TMEM67: variants seen among roughly 807,000 people sequenced by gnomAD.
TMEM67 encodes transmembrane protein 67.
TMEM67 carries 124 observed loss-of-function variants against 136.6 expected under a neutral mutation model. The ratio of observed to expected loss-of-function variants is 0.91; its 90% confidence interval spans 0.78 to 1.05. TMEM67 has a LOEUF of 1.05. Among genes scored for constraint, TMEM67 ranks in the 50% least tolerant of loss-of-function variants. The pLI, the probability that TMEM67 is intolerant of heterozygous loss-of-function variation, is 0.00. For missense variants in TMEM67, 1,107 were observed against 1,178.4 expected (o/e 0.94, Z 0.89); for synonymous variants, 364 against 390.5 (o/e 0.93, Z 0.80).
the TMEM67 span, among the ~76,000 whole-genome samples, chr8:93,831,756 G>A: frequency 6.6e-6 from 1 of 152,150 alleles, no homozygotes; most frequent in African/African-American, 2.4e-5. Flanking sequence ...AGCTGAATGT[G>A]CAGAAGGCAT....
At chr8:93,764,416 T>C (rs1812988616) in intron 4 of TMEM67, among the ~76,000 whole-genome samples, 1 of 152,144 alleles carries the variant, frequency 6.6e-6, no homozygotes, top group South Asian at 2.1e-4. Flanking sequence ...AAAACATAAA[T>C]GTATGCTAAT....
chr8:93,831,681 T>C, the TMEM67 span, among the ~76,000 whole-genome samples: 1 of 150,526 alleles, frequency 6.6e-6, no homozygotes, highest in African/African-American at 2.4e-5. Flanking sequence ...CTTGTGTGTG[T>C]GTGCATGTGT....
At chr8:93,767,926 C>T (rs943679433) in intron 6 of TMEM67, among the ~76,000 whole-genome samples, 11 of 146,388 alleles carry the variant, frequency 7.5e-5, no homozygotes, top group African/African-American at 1.5e-4. Context: ...AGTGCAATGG[C>T]GCAATCTTAG....
At chr8:93,801,222 T>C (rs754437032) in intron 21 of TMEM67, among the ~76,000 whole-genome samples, 6 of 152,068 alleles carry the variant, frequency 3.9e-5, no homozygotes, top group Non-Finnish European at 7.4e-5. Flanking sequence ...TAAGAATCTT[T>C]TGAGATTTTT....
At chr8:93,819,164 T>G, downstream of TMEM67, 1 of 448,812 alleles carries the variant, frequency 2.2e-6, no homozygotes, top group Non-Finnish European at 4.4e-6. Context: ...GGAATTTTTA[T>G]TTTTAGTTTA....
chr8:93,790,170 G>A (rs1019425719), intron 14 of TMEM67, among the ~76,000 whole-genome samples: 8 of 151,856 alleles, frequency 5.3e-5, no homozygotes, highest in South Asian at 4.1e-4. Context: ...TTAATTTCTC[G>A]TGGCAGCTGT....
At chr8:93,766,910 G>A (rs2130593741) in intron 6 of TMEM67, among the ~76,000 whole-genome samples, 1 of 152,248 alleles carries the variant, frequency 6.6e-6, no homozygotes, top group African/African-American at 2.4e-5. Flanking sequence ...CATGTCTTCT[G>A]GGGCATTCTT....
At chr8:93,801,208 T>A (rs540649919) in intron 21 of TMEM67, among the ~76,000 whole-genome samples, 42 of 152,200 alleles carry the variant, frequency 2.8e-4, no homozygotes, top group African/African-American at 1.0e-3. Context: ...AAACAGCCTA[T>A]TTTTAAGAAT....
chr8:93,795,308 C>A, intron 16 of TMEM67, 101 bp from the exon 17 acceptor site: 1 of 976,952 alleles, frequency 1.0e-6, no homozygotes, highest in Non-Finnish European at 1.7e-6. Flanking sequence ...AGGCTTCAGG[C>A]TTAAGAAATG....
chr8:93,803,685 G>GT lies in TMEM67; in HGVS notation c.2322+2dup, dbSNP rs386834192. On this transcript the variant is annotated splice_donor_variant, in intron 22 of 27. Coordinates refer to ENST00000453321, the MANE Select transcript of TMEM67 (RefSeq NM_153704.6). LOFTEE classifies it high-confidence loss of function. ...CGTTGATTTATGCTCTATGAGTAAT[G>GT]TAAGTACTTTCTGACTTCATCTTGC... The GT allele has an allele frequency of 3.4e-5, 51 of 1,520,812 alleles. No individual in the cohort carries two copies. The highest frequency in any genetic ancestry group is 4.2e-5 in the Non-Finnish European group (46 of 1,095,886). The allele number at this position is 1,520,812 out of a possible 1,614,324, so 94.2% of individuals were successfully genotyped here.
In TMEM67 at chr8:93,795,200, G is replaced by A. The variant is rs1376468613; in HGVS notation, c.1675-209G>A. Reference sequence around the variant, plus strand: ...AAGATGAGAAGAGTTGAAAGAAGAGGCTACCAGGAACGGCCAGAAAGGTAA... The same window carrying A: ...AAGATGAGAAGAGTTGAAAGAAGAGACTACCAGGAACGGCCAGAAAGGTAA... On this transcript the variant is annotated intron_variant, in intron 16 of 27. Transcript: ENST00000453321. 3 of 603,894 alleles carry A rather than the reference G, an allele frequency of 5.0e-6. No homozygotes were observed. The African/African-American group carries it at 5.6e-5, about 11-fold the overall frequency. The allele number at this position is 603,894 out of a possible 1,614,324, so 37.4% of individuals were successfully genotyped here.
At chr8:93,826,106 A>C in the TMEM67 span, among the ~76,000 whole-genome samples, 1 of 147,586 alleles carries the variant, frequency 6.8e-6, no homozygotes, top group Non-Finnish European at 1.5e-5. Flanking sequence ...TTAAGTAACA[A>C]GCATTGTTAA....
intron 13 of TMEM67, among the ~76,000 whole-genome samples, chr8:93,787,417 T>C (rs1382418614): frequency 6.6e-6 from 1 of 152,196 alleles, no homozygotes; most frequent in Non-Finnish European, 1.5e-5. Context: ...TTGACACATA[T>C]TATTTTGTTA....
At chr8:93,781,851 A>G (rs577833065) in intron 10 of TMEM67, 107 bp downstream of exon 10, 4 of 563,178 alleles carry the variant, frequency 7.1e-6, no homozygotes, top group Non-Finnish European at 1.2e-5. Context: ...TACATACTAC[A>G]GTTGATTTTT....
Position 93,793,289 on chromosome 8 carries a change from A to G in TMEM67, c.1667A>G (p.Asp556Gly), listed in dbSNP as rs776245021. The G allele has an allele frequency of 6.2e-7, 1 of 1,612,002 alleles. No homozygotes were observed. Among genetic ancestry groups the G allele is most frequent in the East Asian group, 2.2e-5 (1 of 44,862 alleles). ...WKRRIGSPMI[D>G]LQTVVKFLVY... ...AGGCGCATTGGGAGTCCCATGATTG[A>G]TTTACAGGTATAATCTCAGGAGTTT... Residue 556 changes from aspartate (D) to glycine (G), a missense_variant, in exon 16 of 28, where the codon GAT becomes GGT. Coordinates refer to ENST00000453321, the MANE Select transcript of TMEM67 (RefSeq NM_153704.6).
intron 4 of TMEM67, among the ~76,000 whole-genome samples, chr8:93,764,236 TAATA>T (rs1812979575): frequency 6.6e-6 from 1 of 152,106 alleles, no homozygotes; most frequent in Non-Finnish European, 1.5e-5. Flanking sequence ...GGCTCAGAAA[TAATA>T]AGTAATAAAG....
intron 23 of TMEM67, among the ~76,000 whole-genome samples, chr8:93,806,903 T>G (rs1815175309): frequency 6.6e-6 from 1 of 152,114 alleles, no homozygotes; most frequent in African/African-American, 2.4e-5. Flanking sequence ...CAAGCCATTA[T>G]AAAAGTGAAT....
Position 93,797,239 on chromosome 8 carries a change from T to C in TMEM67, c.1960+6T>C. The C allele has an allele frequency of 6.2e-7, 1 of 1,612,040 alleles. No homozygotes were observed. The highest frequency in any genetic ancestry group is 1.3e-5 in the African/African-American group (1 of 75,042). On this transcript the variant is annotated splice_donor_region_variant and intron_variant, in intron 19 of 27. Transcript: ENST00000453321. ...GGTTCTTAAAGCTGTTGAAGGTAAC[T>C]GAAATAAAAAATATTTGTACCAAAA...
chr8:93,767,786 C>T, intron 6 of TMEM67, among the ~76,000 whole-genome samples: 1 of 146,962 alleles, frequency 6.8e-6, no homozygotes. Flanking sequence ...CTTTATGGTA[C>T]AACAAGATTT....
Sources: gnomAD v4.1 joint callset for allele counts (sites outside exome capture counted in the v4.1 genomes callset) on GRCh38, gnomAD v4.1.1 for gene constraint, MANE v1.5 for transcripts, NCBI Gene and HGNC (gene_info 2026-07-23, HGNC 2026-07-21) for gene names.